SYNJ2: variants seen among roughly 807,000 people sequenced by gnomAD.
The protein encoded by SYNJ2 is synaptojanin 2.
In SYNJ2, 116 loss-of-function variants were observed where a neutral mutation model predicts 141.3. That is an observed-to-expected ratio of 0.82 (90% CI 0.71 to 0.96). The LOEUF (loss-of-function observed/expected upper bound fraction) is 0.96. SYNJ2 is among the 40% of genes least tolerant of loss of function. The pLI is 0.00. For missense variants in SYNJ2, 1,873 were observed against 1,934.8 expected, an observed-to-expected ratio of 0.97 and a Z score of 0.60; for synonymous variants, 745 against 777.7, an observed-to-expected ratio of 0.96 and a Z score of 0.70.
intron 2 of SYNJ2, chr6:158,026,893 A>G: frequency 2.0e-6 from 2 of 985,370 alleles, no homozygotes; most frequent in Non-Finnish European, 2.4e-6. Flanking sequence ...CCAACCCCGG[A>G]ACCCCACCTA....
At position 158,076,869 on chromosome 6, in the gene SYNJ2, G is replaced by T. The variant is rs984507177; in HGVS notation, c.2449+87G>T. On this transcript the variant is annotated intron_variant, in intron 17 of 26. Coordinates refer to ENST00000355585, the MANE Select transcript of SYNJ2 (RefSeq NM_003898.4). ...GAGTCACGTTTACCCAACCCCAGGCGCTGCTACATAAATCAGTTTCTTCAT... is the reference window on the plus strand; with the variant it reads ...GAGTCACGTTTACCCAACCCCAGGCTCTGCTACATAAATCAGTTTCTTCAT... 43 of 1,444,934 alleles carry T rather than the reference G, an allele frequency of 3.0e-5. 2 individuals carry two copies. In the Admixed American group the frequency reaches 1.0e-3, roughly 35 times the overall value. The allele number at this position is 1,444,934 out of a possible 1,614,324, so 89.5% of individuals were successfully genotyped here.
chr6:158,033,434 G>T, intron 3 of SYNJ2, 21 bp from the exon 4 acceptor site: 1 of 1,611,482 alleles, frequency 6.2e-7, no homozygotes, highest in Non-Finnish European at 8.5e-7. Flanking sequence ...ACTGGAATTG[G>T]TGTGGGACTG....
At chr6:157,998,210 C>T (rs998174129) in intron 1 of SYNJ2, among the ~76,000 whole-genome samples, 4 of 152,328 alleles carry the variant, frequency 2.6e-5, no homozygotes, top group African/African-American at 9.6e-5. Context: ...GTCACTAGCT[C>T]CTCCCCCAGC....
rs540539900 is a variant in SYNJ2, at chr6:158,055,108, T to A, written c.857+80T>A. 1.8e-4 allele frequency: 264 copies of A among 1,507,828 alleles called. 1 individual carries two copies. The African/African-American group carries it at 2.5e-3, about 14-fold the overall frequency. The allele number at this position is 1,507,828 out of a possible 1,614,324, so 93.4% of individuals were successfully genotyped here. A position where few individuals can be genotyped will look rare whatever the true frequency, so the allele number is the denominator to read the frequency against. The stretch of plus-strand genomic sequence containing the variant: ...CTCCCATCAGACACAAGGGAGAGGG[T>A]GCGACGGGAAAGGGAGGACCCTGAA... On this transcript the variant is annotated intron_variant, in intron 6 of 26. Coordinates refer to ENST00000355585, the MANE Select transcript of SYNJ2 (RefSeq NM_003898.4).
At chr6:158,059,788 CAG>C (rs1185252304) in intron 7 of SYNJ2, among the ~76,000 whole-genome samples, 1 of 152,206 alleles carries the variant, frequency 6.6e-6, no homozygotes, top group African/African-American at 2.4e-5. Flanking sequence ...CTCCTGACCT[CAG>C]GTGATCCACC....
intron 5 of SYNJ2, among the ~76,000 whole-genome samples, chr6:158,052,509 G>A (rs770154040): frequency 1.3e-5 from 2 of 152,160 alleles, no homozygotes; most frequent in Non-Finnish European, 2.9e-5. Context: ...TTCTGGGGAG[G>A]GTCTCAGGAA....
intron 1 of SYNJ2, among the ~76,000 whole-genome samples, chr6:157,997,559 C>T (rs563248593): frequency 4.6e-5 from 7 of 152,180 alleles, no homozygotes; most frequent in African/African-American, 7.2e-5. Flanking sequence ...CTCCTACCCA[C>T]GCCTTGATCT....
chr6:158,010,371 C>T (rs188632443), intron 1 of SYNJ2, among the ~76,000 whole-genome samples: 341 of 152,318 alleles, frequency 2.2e-3, no homozygotes, highest in Middle Eastern at 0.014. Context: ...TGGAACCGGC[C>T]TCCTGGGAAG....
At chr6:157,994,510 T>G (rs1777571530) in intron 1 of SYNJ2, among the ~76,000 whole-genome samples, 1 of 152,204 alleles carries the variant, frequency 6.6e-6, no homozygotes. Flanking sequence ...AACAAGGCCC[T>G]TCTGGGTGGG....
At position 158,066,804 on chromosome 6, in the gene SYNJ2, G is replaced by T. The variant is rs947022974; in HGVS notation, c.1717+169G>T. ...GACTCTCAAGAATGCTGCCTCGCAA[G>T]TAACTGACCTTTTTCCTTTCCCAGA... is the stretch of plus-strand genomic sequence containing the variant. On this transcript the variant is annotated intron_variant, in intron 12 of 26. Transcript: ENST00000355585. 8 of 732,784 alleles carry T rather than the reference G, an allele frequency of 1.1e-5. No homozygotes were observed. The African/African-American group carries it at 1.4e-4, about 13-fold the overall frequency. 45.4% of individuals were successfully genotyped at this position (732,784 alleles called of 1,614,324 possible).
chr6:158,064,199 G>A (rs1046023768), intron 9 of SYNJ2, among the ~76,000 whole-genome samples: 4 of 152,208 alleles, frequency 2.6e-5, no homozygotes, highest in Non-Finnish European at 5.9e-5. Flanking sequence ...GAGGCTGGCC[G>A]GATGAGGCTG....
intron 18 of SYNJ2, 151 bp downstream of exon 18, chr6:158,078,432 A>G (rs1398588581): frequency 1.8e-6 from 1 of 556,550 alleles, no homozygotes; most frequent in Non-Finnish European, 3.2e-6. Context: ...ACAAAGAATG[A>G]TGGAACAAAT....
At chr6:158,026,604 C>T (rs1278121229) in intron 2 of SYNJ2, among the ~76,000 whole-genome samples, 2 of 152,170 alleles carry the variant, frequency 1.3e-5, no homozygotes, top group Non-Finnish European at 2.9e-5. Context: ...TCCCCAGCCT[C>T]CCCCAGGCCG....
intron 5 of SYNJ2, among the ~76,000 whole-genome samples, chr6:158,048,932 C>G (rs1171248730): frequency 6.6e-6 from 1 of 152,158 alleles, no homozygotes; most frequent in African/African-American, 2.4e-5. Flanking sequence ...CACAATTAGA[C>G]AGAAGTCTAG....
At chr6:158,048,796 C>G (rs1780394227) in intron 5 of SYNJ2, among the ~76,000 whole-genome samples, 1 of 152,160 alleles carries the variant, frequency 6.6e-6, no homozygotes, top group African/African-American at 2.4e-5. Context: ...TGGCCACTTT[C>G]AACCTACGGC....
At chr6:158,058,469 A>G (rs1381591144) in intron 6 of SYNJ2, among the ~76,000 whole-genome samples, 2 of 152,250 alleles carry the variant, frequency 1.3e-5, no homozygotes, top group Non-Finnish European at 2.9e-5. Context: ...AAAGCCTGCA[A>G]GTTTTGTTGT....
chr6:158,065,430 G>A (rs1382103692), intron 11 of SYNJ2, among the ~76,000 whole-genome samples: 1 of 152,136 alleles, frequency 6.6e-6, no homozygotes, highest in Non-Finnish European at 1.5e-5. Context: ...CAGAGAAGGA[G>A]GATGCTGTCA....
rs543852185 is a variant in SYNJ2, at chr6:157,990,015, G to A, written c.127+7927G>A. Among the ~76,000 whole-genome samples the A allele has an allele frequency of 2.6e-5, 4 of 152,336 alleles. No homozygotes were observed. In the South Asian group the frequency reaches 8.3e-4, roughly 32 times the overall value. Reference sequence around the variant, plus strand: ...GAGCGTGAGTCTGGTGCTGCGCCAGGAGGCTAGATGCCCCGGCCAGGTCCT... The same window carrying A: ...GAGCGTGAGTCTGGTGCTGCGCCAGAAGGCTAGATGCCCCGGCCAGGTCCT... On this transcript the variant is annotated intron_variant, in intron 1 of 26. Coordinates refer to ENST00000355585, the MANE Select transcript of SYNJ2 (RefSeq NM_003898.4).
intron 2 of SYNJ2, chr6:158,026,792 T>C: frequency 1.0e-6 from 1 of 983,560 alleles, no homozygotes; most frequent in Non-Finnish European, 1.2e-6. Flanking sequence ...CCGAGGGCAC[T>C]TCTGCTGAAC....
Sources: allele counts gnomAD v4.1 joint callset (sites outside exome capture counted in the v4.1 genomes callset), GRCh38; gene constraint gnomAD v4.1.1; transcripts MANE v1.5; gene names NCBI Gene and HGNC (gene_info 2026-07-23, HGNC 2026-07-21).